NSD1: variants seen among roughly 807,000 people sequenced by gnomAD.
NSD1 encodes nuclear receptor binding SET domain protein 1.
Under a neutral mutation model 242.7 loss-of-function variants are expected in NSD1, and 26 were observed. The observed-to-expected ratio is 0.11, with a 90% CI of 0.08 to 0.15. The LOEUF (loss-of-function observed/expected upper bound fraction) is 0.15, where lower values mean the gene tolerates loss of function less well. Among genes scored for constraint, NSD1 ranks in the 10% least tolerant of loss-of-function variants. NSD1 has a pLI of 1.00. For synonymous variants in NSD1, 1,106 were observed against 1,178.1 expected (o/e 0.94, Z 1.25); for missense variants, 2,495 against 3,272.8 (o/e 0.76, Z 5.80).
intron 14 of NSD1, chr5:177,265,250 A>G: frequency 1.4e-6 from 1 of 724,032 alleles, no homozygotes; most frequent in Non-Finnish European, 2.5e-6. Context: ...CATAGGTGTT[A>G]AAAAAAATAA....
chr5:177,265,853 T>C lies in NSD1; in HGVS notation c.5147-1709T>C. On this transcript the variant is annotated intron_variant, in intron 14 of 22. Coordinates refer to ENST00000439151, the MANE Select transcript of NSD1 (RefSeq NM_022455.5). The stretch of plus-strand genomic sequence containing the variant: ...GAAGTAGGCCACCTGGGTGTGCACG[T>C]AGTCATTCTGCTTCACTTGCAGGCA... The C allele has an allele frequency of 2.1e-6, 3 of 1,444,786 alleles. No homozygotes were observed. The South Asian group carries it at 3.4e-5, about 17-fold the overall frequency. 89.5% of individuals were successfully genotyped at this position (1,444,786 alleles called of 1,614,324 possible). A position where few individuals can be genotyped will look rare whatever the true frequency, so the allele number is the denominator to read the frequency against.
rs1581433960 is a variant in NSD1 at position 177,248,266 on chromosome 5, C to T, written c.4583C>T (p.Ser1528Phe). Residue 1528 changes from serine (S) to phenylalanine (F), a missense_variant, in exon 11 of 23, where the codon TCT becomes TTT. By Grantham distance (155) the Ser-to-Phe change is radical. This residue lies in a region of NSD1 where 97 missense variants were observed against 97.7 expected (regional missense o/e 0.99). Transcript: ENST00000439151. ...GVEHDPGMPA[S>F]KKMQGERGGG... ...GAACACGATCCCGGGATGCCTGCCTCTAAAAAAATGCAGGGTGAACGCGGT... is the reference window on the plus strand; with the variant it reads ...GAACACGATCCCGGGATGCCTGCCTTTAAAAAAATGCAGGGTGAACGCGGT... 1 of 1,613,984 alleles carries T rather than the reference C, an allele frequency of 6.2e-7. No individual in the cohort carries two copies.
Position 177,294,358 on chromosome 5 carries a change from C to T in NSD1, c.6990C>T (p.Ser2330=), listed in dbSNP as rs200462804. The change falls in exon 23 of 23, where the codon AGC becomes AGT. Residue 2330 remains serine (S), a synonymous_variant. Coordinates refer to ENST00000439151, the MANE Select transcript of NSD1 (RefSeq NM_022455.5). ...TGGCAGGACCAAGACCCCAGCTAAG[C>T]GACAAACCCTCTCCAGTGACCAGCC... ...PAVAGPRPQL[S]DKPSPVTSPS... is the part of the protein sequence containing the mutation. 11 of 1,614,074 alleles carry T rather than the reference C, an allele frequency of 6.8e-6. No individual in the cohort carries two copies. Among genetic ancestry groups the T allele is most frequent in the East Asian group, 2.2e-5 (1 of 44,896 alleles).
At position 177,179,939 on chromosome 5, in the gene NSD1, C is replaced by T. The variant is rs527927578; in HGVS notation, c.928-11945C>T. 2.8e-4 allele frequency among the ~76,000 whole-genome samples: 43 copies of T among 151,970 alleles called. No homozygotes were observed. In the South Asian group the frequency reaches 8.3e-3, roughly 29 times the overall value. On this transcript the variant is annotated intron_variant, in intron 2 of 22. Coordinates refer to ENST00000439151, the MANE Select transcript of NSD1 (RefSeq NM_022455.5). ...TTTATTTTTTTGAGACTTGCCCTGT[C>T]GCTCAGGCTGGGGTGCAGTGGTGTG...
intron 2 of NSD1, among the ~76,000 whole-genome samples, chr5:177,147,955 C>T (rs183550952): frequency 2.0e-5 from 3 of 151,996 alleles, no homozygotes; most frequent in Admixed American, 6.6e-5. Flanking sequence ...TTTGCTTGAC[C>T]GTTCACCTGT....
Position 177,298,981 on chromosome 5 carries a change from C to CA in NSD1, c.*3523dup, listed in dbSNP as rs1760420899. On this transcript the variant is annotated 3_prime_UTR_variant, in exon 23 of 23. Transcript: ENST00000439151. ...ATCATGGCAGAGAAGGAGCTGCCTC[C>CA]AGCCCCTTTCTTGCTGAGTTTCATT... is the stretch of plus-strand genomic sequence containing the variant. 2 of 233,020 alleles carry CA rather than the reference C, an allele frequency of 8.6e-6. No individual in the cohort carries two copies. The highest frequency in any genetic ancestry group is 4.4e-5 in the African/African-American group (2 of 45,340). 14.4% of individuals were successfully genotyped at this position (233,020 alleles called of 1,614,324 possible).
At position 177,232,565 on chromosome 5, in the gene NSD1, T is replaced by C. The variant is rs570001941; in HGVS notation, c.3797-3256T>C. ...CATCACCCTTCAGCTTAGATGTATCTTTTGCATGCACAGCCGGATTTTCCC... is the reference window on the plus strand; with the variant it reads ...CATCACCCTTCAGCTTAGATGTATCCTTTGCATGCACAGCCGGATTTTCCC... On this transcript the variant is annotated intron_variant, in intron 5 of 22. Coordinates refer to ENST00000439151, the MANE Select transcript of NSD1 (RefSeq NM_022455.5). Among the ~76,000 whole-genome samples the C allele has an allele frequency of 1.2e-4, 18 of 152,308 alleles. No homozygotes were observed. In the South Asian group the frequency reaches 3.3e-3, roughly 28 times the overall value.
intron 2 of NSD1, among the ~76,000 whole-genome samples, chr5:177,140,271 C>A (rs1051258585): frequency 1.3e-5 from 2 of 152,120 alleles, no homozygotes; most frequent in Non-Finnish European, 2.9e-5. Flanking sequence ...TTGAGACAGG[C>A]TAGGTGCTTT....
rs1252902973 is a variant in NSD1, at chr5:177,188,458, T to C, written c.928-3426T>C. On this transcript the variant is annotated intron_variant, in intron 2 of 22. Transcript: ENST00000439151. ...ATTTGGTCATGTAAATTTTTCAAGATAGAAGAAAGTAAATAGGGGTTTGTT... is the reference window on the plus strand; with the variant it reads ...ATTTGGTCATGTAAATTTTTCAAGACAGAAGAAAGTAAATAGGGGTTTGTT... 7.9e-5 allele frequency among the ~76,000 whole-genome samples: 12 copies of C among 152,348 alleles called. No homozygotes were observed. In the South Asian group the frequency reaches 2.3e-3, roughly 29 times the overall value.
chr5:177,199,279 G>A (rs1167629426), intron 3 of NSD1, among the ~76,000 whole-genome samples: 1 of 151,982 alleles, frequency 6.6e-6, no homozygotes, highest in Non-Finnish European at 1.5e-5. Context: ...TTTTTTAGAG[G>A]CAGGGTCTTG....
At chr5:177,182,208 T>G (rs1031862884) in intron 2 of NSD1, among the ~76,000 whole-genome samples, 1 of 151,934 alleles carries the variant, frequency 6.6e-6, no homozygotes, top group Non-Finnish European at 1.5e-5. Flanking sequence ...TCCCAGTTAC[T>G]TGGGAGGCCA....
At chr5:177,226,941 T>C (rs1418253776) in intron 5 of NSD1, among the ~76,000 whole-genome samples, 1 of 152,200 alleles carries the variant, frequency 6.6e-6, no homozygotes, top group Non-Finnish European at 1.5e-5. Flanking sequence ...TTTTTTATTT[T>C]ACAGAGTCCT....
chr5:177,161,509 A>G (rs1758746073), intron 2 of NSD1, among the ~76,000 whole-genome samples: 1 of 152,028 alleles, frequency 6.6e-6, no homozygotes, highest in Non-Finnish European at 1.5e-5. Flanking sequence ...TTCTAAATAG[A>G]GATAGGGTCT....
chr5:177,145,051 C>G (rs973742529), intron 2 of NSD1, among the ~76,000 whole-genome samples: 1 of 148,344 alleles, frequency 6.7e-6, no homozygotes, highest in Non-Finnish European at 1.5e-5. Context: ...TGCCACTGCA[C>G]TCCAGCCTGG....
At position 177,238,752 on chromosome 5, in the gene NSD1, T is replaced by C. The variant is rs1220693699; in HGVS notation, c.4192+245T>C. 6.6e-6 allele frequency among the ~76,000 whole-genome samples: 1 copy of C among 152,222 alleles called. No individual in the cohort carries two copies. The highest frequency in any genetic ancestry group is 1.5e-5 in the Non-Finnish European group (1 of 68,044). On this transcript the variant is annotated intron_variant, in intron 7 of 22. Transcript: ENST00000439151. This position sits in a 1 kb window ranked among gnomAD's most constrained non-coding sequence, Gnocchi z 4.6. ...GCTCCAGTGTTGCTCTTCATGATTG[T>C]TGATCAGCCACTGTGTAAATTAACA...
intron 20 of NSD1, among the ~76,000 whole-genome samples, chr5:177,285,736 A>AAT (rs1218478410): frequency 6.6e-6 from 1 of 152,194 alleles, no homozygotes; most frequent in Non-Finnish European, 1.5e-5. Flanking sequence ...AATATACAGT[A>AAT]ATATAGTCTA....
chr5:177,275,636 T>C (rs917422059), intron 17 of NSD1, among the ~76,000 whole-genome samples: 45 of 152,126 alleles, frequency 3.0e-4, no homozygotes, highest in Non-Finnish European at 5.3e-4. Context: ...GGTTTCACCA[T>C]GTTAGCCAGG....
chr5:177,273,819 G>A (rs1758133560), intron 17 of NSD1, 35 bp downstream of exon 17: 1 of 1,391,932 alleles, frequency 7.2e-7, no homozygotes, highest in Non-Finnish European at 1.0e-6. Context: ...TTCTCTAGAA[G>A]AGAAATGGAA....
At chr5:177,265,265 C>A in intron 14 of NSD1, 1 of 709,516 alleles carries the variant, frequency 1.4e-6, no homozygotes, top group Non-Finnish European at 2.5e-6. Flanking sequence ...AAATAAAAGA[C>A]CTCTGGACTG....
Sources: gnomAD v4.1 joint callset for allele counts (sites outside exome capture counted in the v4.1 genomes callset) on GRCh38, gnomAD v4.1.1 for gene constraint, gnomAD v4.1.1 regional missense constraint, Gnocchi (gnomAD v3.1) non-coding constraint, MANE v1.5 for transcripts, NCBI Gene and HGNC (gene_info 2026-07-23, HGNC 2026-07-21) for gene names.